The following WDFY4 variants were observed in gnomAD, a reference collection of about 807,000 sequenced individuals.
The protein encoded by WDFY4 is WDFY family member 4.
Under a neutral mutation model 351.9 loss-of-function variants are expected in WDFY4, and 169 were observed. That is an observed-to-expected ratio of 0.48 (90% CI 0.42 to 0.55). WDFY4 has a LOEUF of 0.55. WDFY4 is among the 20% of genes least tolerant of loss of function. The probability of loss-of-function intolerance (pLI) is 0.00; values close to 1 mark genes in which losing one functional copy is unlikely to be tolerated. For synonymous variants in WDFY4, 1,622 were observed against 1,574.6 expected, an observed-to-expected ratio of 1.03 and a Z score of -0.71; for missense variants, 3,803 against 3,935.6, an observed-to-expected ratio of 0.97 and a Z score of 0.90.
chr10:48,762,647 T>G (rs188742735), intron 13 of WDFY4, among the ~76,000 whole-genome samples: 5 of 152,358 alleles, frequency 3.3e-5, no homozygotes, highest in Non-Finnish European at 5.9e-5. Flanking sequence ...AAAGGGTTCC[T>G]AAGCTGGCTT....
intron 53 of WDFY4, 67 bp downstream of exon 53, chr10:48,959,880 C>A: frequency 7.0e-7 from 1 of 1,437,584 alleles, no homozygotes; most frequent in Non-Finnish European, 9.5e-7. Context: ...TCCACCGAGG[C>A]TTTCTGTCCA....
chr10:48,805,443 G>A, intron 26 of WDFY4, 22 bp downstream of exon 26: 1 of 1,545,094 alleles, frequency 6.5e-7, no homozygotes, highest in Non-Finnish European at 8.7e-7. Flanking sequence ...AGCTGCCCAG[G>A]GGGAAGAGCA....
intron 15 of WDFY4, among the ~76,000 whole-genome samples, chr10:48,776,490 A>G (rs772235898): frequency 7.9e-5 from 12 of 152,166 alleles, no homozygotes; most frequent in Non-Finnish European, 1.6e-4. Flanking sequence ...AGAATGTGCT[A>G]TGCTGGAAAA....
rs115710505 is a variant in WDFY4, at chr10:48,704,014, A to G, written c.-17-5702A>G. Among the ~76,000 whole-genome samples, 780 of 152,088 alleles carry G rather than the reference A, an allele frequency of 5.1e-3. 7 individuals carry two copies. Among genetic ancestry groups the G allele is most frequent in the African/African-American group, 0.018 (737 of 41,470 alleles). ...CCTCTTGGGTCCCTGCAGGCTCGCC[A>G]TCTGGTTCCCTGCACATGGCACAGA... On this transcript the variant is annotated intron_variant, in intron 1 of 61. Transcript: ENST00000325239.
At position 48,820,432 on chromosome 10, in the gene WDFY4, C is replaced by T. The variant is rs1343108148; in HGVS notation, c.5704C>T (p.Leu1902=). ...GCAGTGGCTGCCCCTGGAGGTGCTCCTGGAGGTGGGTTGGAAAAGGTGACA... is the reference window on the plus strand; with the variant it reads ...GCAGTGGCTGCCCCTGGAGGTGCTCTTGGAGGTGGGTTGGAAAAGGTGACA... ...PKQWLPLEVL[L]EASPDHATSQ... is the part of the protein sequence containing the mutation. Residue 1902 remains leucine (L), a synonymous_variant, in exon 33 of 62, where the codon CTG becomes TTG. Transcript: ENST00000325239. The T allele has an allele frequency of 1.9e-6, 3 of 1,550,730 alleles. No individual in the cohort carries two copies. In the African/African-American group the frequency reaches 4.1e-5, roughly 21 times the overall value.
At chr10:48,776,008 C>G (rs2663053) in intron 15 of WDFY4, among the ~76,000 whole-genome samples, 81,143 of 152,134 alleles carry the variant, frequency 0.53, 24,714 homozygotes, top group Non-Finnish European at 0.69. Flanking sequence ...GAAAGATGAA[C>G]CCCCACCCAG....
At position 48,963,572 on chromosome 10, in the gene WDFY4, T is replaced by C. The variant is rs1166844896; in HGVS notation, c.8224-270T>C. Among the ~76,000 whole-genome samples, 7 of 152,320 alleles carry C rather than the reference T, an allele frequency of 4.6e-5. No individual in the cohort carries two copies. The East Asian group carries it at 1.3e-3, about 29-fold the overall frequency. Reference sequence around the variant, plus strand: ...TCCCAGGCCTGCACCTCATAGATACTGTGGACACCATGGTTGTTTTATGAC... The same window carrying C: ...TCCCAGGCCTGCACCTCATAGATACCGTGGACACCATGGTTGTTTTATGAC... On this transcript the variant is annotated intron_variant, in intron 53 of 61. Coordinates refer to ENST00000325239, the MANE Select transcript of WDFY4 (RefSeq NM_001394531.1).
chr10:48,963,173 C>T (rs1424812951), intron 53 of WDFY4, among the ~76,000 whole-genome samples: 8 of 152,184 alleles, frequency 5.3e-5, no homozygotes, highest in South Asian at 4.1e-4. Context: ...CACCAAAAGG[C>T]GGTGTTCATG....
At position 48,963,799 on chromosome 10, in the gene WDFY4, A is replaced by C. The variant is rs113153143; in HGVS notation, c.8224-43A>C. The C allele has an allele frequency of 2.0e-4, 304 of 1,541,184 alleles. No individual in the cohort carries two copies. The African/African-American group carries it at 3.5e-3, about 18-fold the overall frequency. On this transcript the variant is annotated intron_variant, in intron 53 of 61. Coordinates refer to ENST00000325239, the MANE Select transcript of WDFY4 (RefSeq NM_001394531.1). Reference sequence around the variant, plus strand: ...ATCTGTGCAGCGAGTGCATGAGTCCATGAGTGGCCTGGGTTTTAATGCTCT... The same window carrying C: ...ATCTGTGCAGCGAGTGCATGAGTCCCTGAGTGGCCTGGGTTTTAATGCTCT...
chr10:48,890,329 C>T (rs2070639588), intron 43 of WDFY4, among the ~76,000 whole-genome samples: 1 of 152,134 alleles, frequency 6.6e-6, no homozygotes, highest in South Asian at 2.1e-4. Context: ...AGTAAACACT[C>T]ACCCACACAT....
At chr10:48,968,946 T>C in intron 55 of WDFY4, 118 bp from the exon 56 acceptor site, 1 of 1,048,070 alleles carries the variant, frequency 9.5e-7, no homozygotes, top group Non-Finnish European at 1.4e-6. Context: ...CAGTGGGTGC[T>C]GTCCTTCCAT....
intron 61 of WDFY4, 115 bp from the exon 62 acceptor site, chr10:48,982,394 G>A (rs1842847405): frequency 4.5e-6 from 4 of 895,292 alleles, no homozygotes; most frequent in South Asian, 3.7e-5. Context: ...GACAAGACCA[G>A]GGGCAAGCTC....
rs1213392333 is a variant in WDFY4 at position 48,731,295 on chromosome 10, CTGAA to C, written c.1316_1319del (p.Leu439ArgfsTer13). ...CTCGCAGTTTGTAGAGATCATGCCC[CTGAA>C]GCCGGCCCCAGTGCAGGAACACTTC... On this transcript the variant is annotated frameshift_variant, in exon 9 of 62. Transcript: ENST00000325239. LOFTEE classifies it high-confidence loss of function. 1 of 1,551,932 alleles carries C rather than the reference CTGAA, an allele frequency of 6.4e-7. No homozygotes were observed. Among genetic ancestry groups the C allele is most frequent in the African/African-American group, 1.4e-5 (1 of 73,180 alleles).
At chr10:48,881,975 G>T (rs1042452863) in intron 43 of WDFY4, among the ~76,000 whole-genome samples, 1 of 152,188 alleles carries the variant, frequency 6.6e-6, no homozygotes, top group Non-Finnish European at 1.5e-5. Flanking sequence ...CCTTCCTATG[G>T]TTTCTCTGAA....
intron 47 of WDFY4, among the ~76,000 whole-genome samples, chr10:48,932,997 C>T (rs921884331): frequency 8.5e-5 from 13 of 152,050 alleles, no homozygotes; most frequent in African/African-American, 2.9e-4. Flanking sequence ...AACATAAGGC[C>T]TTCTATAAGG....
At chr10:48,817,658 T>C (rs184663403) in intron 32 of WDFY4, among the ~76,000 whole-genome samples, 2 of 152,378 alleles carry the variant, frequency 1.3e-5, no homozygotes, top group African/African-American at 4.8e-5. Flanking sequence ...AGAAGTCTAA[T>C]GGCAGATAAA....
chr10:48,915,932 G>C (rs1838488053), intron 47 of WDFY4, among the ~76,000 whole-genome samples: 1 of 152,148 alleles, frequency 6.6e-6, no homozygotes, highest in Non-Finnish European at 1.5e-5. Flanking sequence ...CACCAATACT[G>C]AACTGTCTAT....
chr10:48,906,675 T>A (rs1180272411), intron 47 of WDFY4, among the ~76,000 whole-genome samples: 1 of 152,246 alleles, frequency 6.6e-6, no homozygotes, highest in Non-Finnish European at 1.5e-5. Context: ...GGCAGCTAGC[T>A]GGAATGCACT....
intron 19 of WDFY4, among the ~76,000 whole-genome samples, chr10:48,786,041 A>T (rs2066394260): frequency 6.6e-6 from 1 of 152,136 alleles, no homozygotes; most frequent in South Asian, 2.1e-4. Context: ...ATCACTTAGG[A>T]ATTTTCAGTA....
Sources: allele counts gnomAD v4.1 joint callset (sites outside exome capture counted in the v4.1 genomes callset), GRCh38; gene constraint gnomAD v4.1.1; transcripts MANE v1.5; gene names NCBI Gene and HGNC (gene_info 2026-07-23, HGNC 2026-07-21).